The following SLC39A12 variants were observed in gnomAD, a reference collection of about 807,000 sequenced individuals.
SLC39A12 encodes zinc transporter ZIP12.
In SLC39A12, 63 loss-of-function variants were observed where a neutral mutation model predicts 71.1. That is an observed-to-expected ratio of 0.89 (90% CI 0.72 to 1.09). The LOEUF is 1.09. Ranked by LOEUF, SLC39A12 falls within the 50% of genes least tolerant of loss-of-function variation. The probability of loss-of-function intolerance (pLI) is 0.00; values close to 1 mark genes in which losing one functional copy is unlikely to be tolerated. For missense variants in SLC39A12, 892 were observed against 812.6 expected (o/e 1.10, Z -1.19); for synonymous variants, 351 against 301.3 (o/e 1.16, Z -1.71).
Position 17,961,853 on chromosome 10 carries a change from T to C in SLC39A12, c.534T>C (p.Ser178=). 3 of 1,611,876 alleles carry C rather than the reference T, an allele frequency of 1.9e-6. No individual in the cohort carries two copies. Among genetic ancestry groups the C allele is most frequent in the Non-Finnish European group, 2.5e-6 (3 of 1,179,134 alleles). ...TCACCAGGCAGTACTTTGACACTTC[T>C]CAAAGCCAGGTAAGAAGGCAAAATT... The part of the protein sequence containing the change: ...LAFTRQYFDT[S]QSQCMETKTL... The change falls in exon 3 of 13, where the codon TCT becomes TCC. Residue 178 remains serine, a synonymous_variant. Transcript: ENST00000377369.
Position 18,042,813 on chromosome 10 carries a change from G to A in SLC39A12, c.2056G>A (p.Glu686Lys), listed in dbSNP as rs773131568. 1.9e-6 allele frequency: 3 copies of A among 1,607,818 alleles called. No individual in the cohort carries two copies. Among genetic ancestry groups the A allele is most frequent in the Non-Finnish European group, 2.5e-6 (3 of 1,177,794 alleles). ...WLSLLLLAIYEQNIKI is the reference protein window; with the variant it reads ...WLSLLLLAIYKQNIKI ...TTCTCTCCTGCTCTTGGCTATATAT[G>A]AGCAAAATATTAAAATATAAGTGAG... is the stretch of plus-strand genomic sequence containing the variant. Residue 686 changes from glutamate (E) to lysine (K), a missense_variant, in exon 13 of 13, where the codon GAG (glutamate) becomes AAG (lysine). Physicochemically the swap from Glu to Lys is moderately conservative, Grantham distance 56. Transcript: ENST00000377369.
chr10:18,004,294 G>A (rs957027727), intron 12 of SLC39A12: 1 of 152,146 alleles, frequency 6.6e-6, no homozygotes, highest in Non-Finnish European at 1.5e-5. Context: ...CTGTGTAAAA[G>A]TCAGATATGT....
intron 4 of SLC39A12, among the ~76,000 whole-genome samples, chr10:17,973,000 T>C (rs1835013816): frequency 6.6e-6 from 1 of 152,154 alleles, no homozygotes. Flanking sequence ...ATCCATTGTA[T>C]GTTTTCTGTT....
chr10:18,000,588 A>C, intron 10 of SLC39A12, 79 bp from the exon 11 acceptor site: 1 of 1,309,462 alleles, frequency 7.6e-7, no homozygotes, highest in Non-Finnish European at 1.1e-6. Flanking sequence ...GTAGGTGGGA[A>C]GGTTGGTTGG....
chr10:18,012,623 CT>C (rs1836258698), intron 12 of SLC39A12, among the ~76,000 whole-genome samples: 1 of 152,134 alleles, frequency 6.6e-6, no homozygotes, highest in Admixed American at 6.5e-5. Flanking sequence ...AATCCCAGCA[CT>C]TTGGGAGGCA....
At chr10:17,995,515 C>A in intron 9 of SLC39A12, 141 bp from the exon 10 acceptor site, 1 of 682,632 alleles carries the variant, frequency 1.5e-6, no homozygotes, top group Non-Finnish European at 2.5e-6. Flanking sequence ...TTGTGTGTGT[C>A]TATGAAACCT....
At chr10:17,975,327 A>G (rs938554047) in intron 4 of SLC39A12, among the ~76,000 whole-genome samples, 1 of 152,158 alleles carries the variant, frequency 6.6e-6, no homozygotes, top group Non-Finnish European at 1.5e-5. Context: ...ACCTTGACAT[A>G]GTACTTGGGT....
At chr10:17,971,979 T>A (rs1261224131) in intron 4 of SLC39A12, among the ~76,000 whole-genome samples, 1 of 152,206 alleles carries the variant, frequency 6.6e-6, no homozygotes, top group African/African-American at 2.4e-5. Flanking sequence ...GCTATAAACT[T>A]TCCTCTTAGC....
chr10:18,003,403 A>C (rs1317402827), intron 12 of SLC39A12, 45 bp downstream of exon 12: 1 of 1,531,126 alleles, frequency 6.5e-7, no homozygotes, highest in African/African-American at 1.4e-5. Context: ...AGCACTGAAA[A>C]TGTAAAACAG....
intron 12 of SLC39A12, among the ~76,000 whole-genome samples, chr10:18,034,836 A>T (rs1334938845): frequency 6.7e-6 from 1 of 149,362 alleles, no homozygotes; most frequent in African/African-American, 2.4e-5. Context: ...CTTTTAGGGC[A>T]GGCCTGGTGG....
intron 12 of SLC39A12, among the ~76,000 whole-genome samples, chr10:18,029,558 C>T (rs1338101260): frequency 6.6e-6 from 1 of 152,200 alleles, no homozygotes; most frequent in African/African-American, 2.4e-5. Context: ...GAACATTTCT[C>T]TTAGCACTAC....
At chr10:17,983,616 T>C (rs1478339750) in intron 6 of SLC39A12, among the ~76,000 whole-genome samples, 2 of 152,090 alleles carry the variant, frequency 1.3e-5, no homozygotes, top group African/African-American at 4.8e-5. Flanking sequence ...ACCCCGTCTC[T>C]ACTAAAAATA....
chr10:18,012,692 C>A (rs1055830102), intron 12 of SLC39A12, among the ~76,000 whole-genome samples: 1 of 152,030 alleles, frequency 6.6e-6, no homozygotes, highest in Non-Finnish European at 1.5e-5. Flanking sequence ...CACGGTGAAA[C>A]CCCTTCTCTA....
At chr10:18,001,700 A>T (rs536814626) in intron 11 of SLC39A12, 1 of 152,190 alleles carries the variant, frequency 6.6e-6, no homozygotes, top group East Asian at 1.9e-4. Flanking sequence ...TTGTGGGTAC[A>T]TAGTGGTTGT....
chr10:18,026,174 T>C (rs140018056), intron 12 of SLC39A12, among the ~76,000 whole-genome samples: 118 of 152,322 alleles, frequency 7.7e-4, no homozygotes, highest in African/African-American at 2.8e-3. Flanking sequence ...TAGACCAAAG[T>C]TTTTGACCAG....
Position 18,038,288 on chromosome 10 carries a change from A to G in SLC39A12, c.1948-4417A>G, listed in dbSNP as rs7068093. ...CTGACTCTCATAAAAGATGCATTCA[A>G]TTCAATAGGTATTAAATCCTCCAAG... On this transcript the variant is annotated intron_variant, in intron 12 of 12. Coordinates refer to ENST00000377369, the MANE Select transcript of SLC39A12 (RefSeq NM_001145195.2). 6.0e-3 allele frequency among the ~76,000 whole-genome samples: 907 copies of G among 152,238 alleles called. 11 individuals carry two copies. The highest frequency in any genetic ancestry group is 0.021 in the African/African-American group (859 of 41,532).
intron 6 of SLC39A12, among the ~76,000 whole-genome samples, chr10:17,983,589 C>T (rs1487829069): frequency 2.6e-5 from 4 of 152,100 alleles, no homozygotes; most frequent in Admixed American, 2.0e-4. Flanking sequence ...CGAGACCAGC[C>T]TGGCCAACAT....
At chr10:17,982,190 C>T (rs1043315080) in intron 6 of SLC39A12, among the ~76,000 whole-genome samples, 2 of 152,094 alleles carry the variant, frequency 1.3e-5, no homozygotes, top group Non-Finnish European at 2.9e-5. Context: ...GGGAAGGGAT[C>T]AATATTTACA....
chr10:17,957,234 C>T (rs1834574187), intron 2 of SLC39A12, among the ~76,000 whole-genome samples: 1 of 152,124 alleles, frequency 6.6e-6, no homozygotes, highest in Non-Finnish European at 1.5e-5. Flanking sequence ...CTGAGGCTCT[C>T]ACCTGGCATA....
Sources: gnomAD v4.1 joint callset for allele counts (sites outside exome capture counted in the v4.1 genomes callset) on GRCh38, gnomAD v4.1.1 for gene constraint, MANE v1.5 for transcripts, NCBI Gene and HGNC (gene_info 2026-07-23, HGNC 2026-07-21) for gene names.